MYH10: variants seen among roughly 807,000 people sequenced by gnomAD.
The protein encoded by MYH10 is myosin-10.
MYH10 carries 55 observed loss-of-function variants against 257.8 expected under a neutral mutation model. The ratio of observed to expected loss-of-function variants is 0.21; its 90% CI spans 0.17 to 0.27. MYH10 has a LOEUF of 0.27. MYH10 is among the 10% of genes least tolerant of loss of function. The pLI, the probability that MYH10 is intolerant of heterozygous loss-of-function variation, is 1.00. For synonymous variants in MYH10, 854 were observed against 921.7 expected (o/e 0.93, Z 1.33); for missense variants, 1,631 against 2,500.6 (o/e 0.65, Z 7.42).
intron 21 of MYH10, among the ~76,000 whole-genome samples, chr17:8,517,438 T>C (rs1216011411): frequency 1.3e-5 from 2 of 152,158 alleles, no homozygotes; most frequent in East Asian, 3.9e-4. Flanking sequence ...TTCTGTTTGC[T>C]CAAAACTGTC....
At chr17:8,479,218 T>C (rs561429925) in intron 40 of MYH10, among the ~76,000 whole-genome samples, 5 of 151,802 alleles carry the variant, frequency 3.3e-5, no homozygotes, top group African/African-American at 9.7e-5. Flanking sequence ...TAGAGGGCTT[T>C]GGCAGCTCAC....
intron 2 of MYH10, among the ~76,000 whole-genome samples, chr17:8,609,965 C>T (rs918620237): frequency 6.6e-6 from 1 of 151,484 alleles, no homozygotes; most frequent in African/African-American, 2.4e-5. Flanking sequence ...AAAAGGAATT[C>T]GCTAAGCTAA....
chr17:8,586,768 A>C (rs116046061), intron 4 of MYH10, among the ~76,000 whole-genome samples: 108 of 152,278 alleles, frequency 7.1e-4, no homozygotes, highest in African/African-American at 2.4e-3. Context: ...GTTCTGTCAA[A>C]CAGCAAGTCA....
rs5819200 is a variant in MYH10 at position 8,579,277 on chromosome 17, T to TA, written c.531-1940dup. ...CTGGGCAACAGAGCAAGACCCTGTC[T>TA]AAAAAAAAAAAAAAAATTGTACTAT... is the stretch of plus-strand genomic sequence containing the variant. On this transcript the variant is annotated intron_variant, in intron 4 of 42. Coordinates refer to ENST00000360416, the MANE Select transcript of MYH10 (RefSeq NM_001256012.3). Among the ~76,000 whole-genome samples the TA allele has an allele frequency of 2.5e-3, 367 of 145,504 alleles. 2 individuals are homozygous for TA. The highest frequency in any genetic ancestry group is 7.2e-3 in the African/African-American group (287 of 39,636).
At chr17:8,556,398 T>A (rs1359421668) in intron 7 of MYH10, among the ~76,000 whole-genome samples, 1 of 152,190 alleles carries the variant, frequency 6.6e-6, no homozygotes, top group African/African-American at 2.4e-5. Context: ...GATGAAGAAA[T>A]CGTGGTATAT....
chr17:8,507,179 G>A (rs1358349903), intron 26 of MYH10, among the ~76,000 whole-genome samples: 1 of 152,210 alleles, frequency 6.6e-6, no homozygotes, highest in Non-Finnish European at 1.5e-5. Context: ...TACTTCCTCA[G>A]CAGAAGAACC....
At chr17:8,610,716 C>T (rs1228797661) in intron 2 of MYH10, among the ~76,000 whole-genome samples, 4 of 152,210 alleles carry the variant, frequency 2.6e-5, no homozygotes, top group Non-Finnish European at 4.4e-5. Flanking sequence ...CCGCCTTCTC[C>T]CATGGAATGA....
At chr17:8,554,309 A>C (rs2082722592) in intron 7 of MYH10, 1 of 195,104 alleles carries the variant, frequency 5.1e-6, no homozygotes, top group African/African-American at 2.4e-5. Context: ...CTTCTAAATA[A>C]TCTGAAATAT....
At chr17:8,587,152 C>T (rs1210951150) in intron 4 of MYH10, among the ~76,000 whole-genome samples, 1 of 152,138 alleles carries the variant, frequency 6.6e-6, no homozygotes, top group Non-Finnish European at 1.5e-5. Flanking sequence ...GCACCCCCAC[C>T]AACAGTCAGC....
In MYH10 at chr17:8,535,732, C is replaced by T; in HGVS notation, c.1779+26G>A. 5 of 1,595,000 alleles carry T rather than the reference C, an allele frequency of 3.1e-6. No homozygotes were observed. Among genetic ancestry groups the T allele is most frequent in the Non-Finnish European group, 4.3e-6 (5 of 1,169,562 alleles). ...AATTTCAAACACAGCCATTTTAATC[C>T]AGTTATTCAACATAAGAGCTCTTAC... On this transcript the variant is annotated intron_variant, in intron 15 of 42. Coordinates refer to ENST00000360416, the MANE Select transcript of MYH10 (RefSeq NM_001256012.3). This position sits in a 1 kb window ranked among gnomAD's most constrained non-coding sequence, Gnocchi z 4.3.
chr17:8,597,620 A>T (rs1480990355), intron 3 of MYH10, among the ~76,000 whole-genome samples: 17 of 145,792 alleles, frequency 1.2e-4, no homozygotes, highest in Admixed American at 7.5e-4. Flanking sequence ...TAGTTTACTC[A>T]TTTTTTTTTT....
chr17:8,622,775 A>C (rs977975296), intron 2 of MYH10, 127 bp downstream of exon 2: 1 of 1,142,686 alleles, frequency 8.8e-7, no homozygotes, highest in African/African-American at 1.6e-5. Flanking sequence ...TTTCTATCTT[A>C]AAGAGAAATA....
In MYH10 at chr17:8,495,485, C is replaced by CG. The variant is rs964126482; in HGVS notation, c.3952-245dup. On this transcript the variant is annotated intron_variant, in intron 30 of 42. Coordinates refer to ENST00000360416, the MANE Select transcript of MYH10 (RefSeq NM_001256012.3). ...CTCTACCCATGAAAAGGACAGGGGGCGGGGGGTCTCCTAACTGGTTTCCTA... is the reference window on the plus strand; with the variant it reads ...CTCTACCCATGAAAAGGACAGGGGGCGGGGGGGTCTCCTAACTGGTTTCCTA... Among the ~76,000 whole-genome samples, 36 of 152,092 alleles carry CG rather than the reference C, an allele frequency of 2.4e-4. No homozygotes were observed. In the Middle Eastern group the frequency reaches 0.01, roughly 43 times the overall value.
chr17:8,496,614 G>A (rs573122751), intron 30 of MYH10, among the ~76,000 whole-genome samples: 23 of 152,354 alleles, frequency 1.5e-4, no homozygotes, highest in African/African-American at 4.3e-4. Flanking sequence ...CTTCCCCGCC[G>A]TAGGCAGAGT....
intron 1 of MYH10, 111 bp from the exon 2 acceptor site, chr17:8,623,388 A>G: frequency 8.9e-7 from 1 of 1,121,316 alleles, no homozygotes; most frequent in Non-Finnish European, 1.2e-6. Flanking sequence ...CTCTGTGTTA[A>G]GGAGCTGGGG....
intron 4 of MYH10, among the ~76,000 whole-genome samples, chr17:8,583,078 T>TC (rs1335234832): frequency 2.0e-5 from 3 of 152,198 alleles, no homozygotes; most frequent in Admixed American, 2.0e-4. Flanking sequence ...GATTTTGTGA[T>TC]CAACATAGGC....
intron 2 of MYH10, among the ~76,000 whole-genome samples, chr17:8,616,511 A>AT (rs1223001105): frequency 6.6e-6 from 1 of 152,178 alleles, no homozygotes; most frequent in African/African-American, 2.4e-5. Context: ...TATGAATAAT[A>AT]AGGGAAAAAT....
At chr17:8,589,735 A>C (rs1003587967) in intron 3 of MYH10, among the ~76,000 whole-genome samples, 2 of 152,244 alleles carry the variant, frequency 1.3e-5, no homozygotes, top group African/African-American at 4.8e-5. Context: ...AAAAGAATCT[A>C]ACATGATTTT....
At chr17:8,505,978 CAA>C (rs999026426) in intron 27 of MYH10, 36 of 146,210 alleles carry the variant, frequency 2.5e-4, no homozygotes, top group East Asian at 3.8e-4. Flanking sequence ...AGACTCCATT[CAA>C]AAAAAAAAAA....
Sources: gnomAD v4.1 joint callset for allele counts (sites outside exome capture counted in the v4.1 genomes callset) on GRCh38, gnomAD v4.1.1 for gene constraint, Gnocchi (gnomAD v3.1) non-coding constraint, MANE v1.5 for transcripts, NCBI Gene and HGNC (gene_info 2026-07-23, HGNC 2026-07-21) for gene names.